EXD3: variants seen among roughly 807,000 people sequenced by gnomAD.
EXD3 encodes exonuclease 3'-5' domain containing 3, also known as exonuclease mut-7 homolog.
A neutral mutation model predicts 98.0 loss-of-function variants in EXD3; 92 were observed. The ratio of observed to expected loss-of-function variants is 0.94; its 90% confidence interval spans 0.79 to 1.12. The LOEUF is 1.12. Among genes scored for constraint, EXD3 ranks in the 50% most tolerant of loss-of-function variants. EXD3 has a pLI of 0.00. For synonymous variants in EXD3, 569 were observed against 526.0 expected (o/e 1.08, Z -1.12); for missense variants, 1,222 against 1,191.6 (o/e 1.03, Z -0.38).
chr9:137,319,040 G>A (rs558675063), intron 19 of EXD3, among the ~76,000 whole-genome samples: 8 of 152,360 alleles, frequency 5.3e-5, no homozygotes, highest in East Asian at 3.9e-4. Context: ...AAGTCAGCCC[G>A]GCGGCAGGCG....
At chr9:137,422,512 C>T (rs375160512) in intron 1 of EXD3, among the ~76,000 whole-genome samples, 2 of 152,262 alleles carry the variant, frequency 1.3e-5, no homozygotes, top group South Asian at 2.1e-4. Context: ...ACCTGCTCTC[C>T]GATGGGCTCT....
intron 10 of EXD3, chr9:137,353,899 G>A (rs920256477): frequency 8.4e-5 from 84 of 995,876 alleles, no homozygotes; most frequent in Admixed American, 2.4e-4. Flanking sequence ...CCACGTGGAC[G>A]ACAATACGTG....
At chr9:137,321,459 G>A (rs1832027605) in intron 19 of EXD3, among the ~76,000 whole-genome samples, 1 of 152,214 alleles carries the variant, frequency 6.6e-6, no homozygotes, top group Non-Finnish European at 1.5e-5. Flanking sequence ...GAGGCAGGAA[G>A]ATCACCTGAG....
At chr9:137,327,804 T>C (rs141576006) in intron 17 of EXD3, among the ~76,000 whole-genome samples, 1 of 16,236 alleles carries the variant, frequency 6.2e-5, no homozygotes, top group African/African-American at 1.4e-4. Context: ...ACCCACATGA[T>C]GAGTAAAAAC....
At position 137,323,762 on chromosome 9, in the gene EXD3, A is replaced by C. The variant is rs1366672847; in HGVS notation, c.2147T>G (p.Val716Gly). ...QAKAVLKHFNVRVTHADIFSR... is the reference protein window; with the variant it reads ...QAKAVLKHFNGRVTHADIFSR... ...GAAGATGTCTGCGTGGGTGACACGC[A>C]CGTTGAAATGCTTGAGCACAGCCTT... Residue 716 changes from valine to glycine, a missense_variant, in exon 19 of 22, where the codon GTG (valine) becomes GGG (glycine). Physicochemically the swap from Val to Gly is moderately radical, Grantham distance 109. Coordinates refer to ENST00000340951, the MANE Select transcript of EXD3 (RefSeq NM_017820.5). The C allele has an allele frequency of 3.1e-6, 5 of 1,612,328 alleles. No individual in the cohort carries two copies. Among genetic ancestry groups the C allele is most frequent in the Admixed American group, 1.7e-5 (1 of 60,008 alleles).
Position 137,316,543 on chromosome 9 carries a change from C to A in EXD3, c.2185-6843G>T, listed in dbSNP as rs946313968. On this transcript the variant is annotated intron_variant, in intron 19 of 21. Coordinates refer to ENST00000340951, the MANE Select transcript of EXD3 (RefSeq NM_017820.5). Reference sequence around the variant, plus strand: ...CGCCCCAAGCGGCCCTGGGCCGACCCTCGCAGCTCCCAGTGCCCGGGAGGC... The same window carrying A: ...CGCCCCAAGCGGCCCTGGGCCGACCATCGCAGCTCCCAGTGCCCGGGAGGC... 5.3e-5 allele frequency among the ~76,000 whole-genome samples: 8 copies of A among 152,340 alleles called. No homozygotes were observed. The Middle Eastern group carries it at 0.01, about 194-fold the overall frequency.
At position 137,307,124 on chromosome 9, in the gene EXD3, A is replaced by G. The variant is rs1564456436; in HGVS notation, c.2457T>C (p.Gly819=). The G allele has an allele frequency of 6.2e-7, 1 of 1,602,018 alleles. No individual in the cohort carries two copies. The highest frequency in any genetic ancestry group is 8.5e-7 in the Non-Finnish European group (1 of 1,175,304). ...ACCGCAGCCCAGGTGTCCTCAGCAC[A>G]CCCACCGGGACCCCTGCCAGCTGCA... ...TRLQLAGVPV[G]VLRTPGLRCF... Residue 819 remains glycine (G), a synonymous_variant, in exon 22 of 22, where the codon GGT becomes GGC. Coordinates refer to ENST00000340951, the MANE Select transcript of EXD3 (RefSeq NM_017820.5).
At chr9:137,353,530 C>T (rs988385924) in intron 10 of EXD3, 23 of 986,076 alleles carry the variant, frequency 2.3e-5, no homozygotes, top group Non-Finnish European at 2.8e-5. Flanking sequence ...GAGGGGTGCC[C>T]TCTGGGTGGC....
At chr9:137,307,696 T>C (rs775238571) in intron 20 of EXD3, 50 bp from the exon 21 acceptor site, 124 of 1,598,822 alleles carry the variant, frequency 7.8e-5, no homozygotes, top group Non-Finnish European at 8.9e-5. Context: ...GGGATGGGGC[T>C]TGGCAGCCAG....
intron 3 of EXD3, among the ~76,000 whole-genome samples, chr9:137,382,151 G>GGGAGGAGGTGGGAGCATGC (rs1266600430): frequency 5.6e-5 from 4 of 70,942 alleles, no homozygotes; most frequent in South Asian, 3.9e-4. Flanking sequence ...TGAGGGCGCG[G>GGGAGGAGGTGGGAGCATGC]GGAGGAGGTG....
intron 17 of EXD3, chr9:137,343,480 A>T (rs1485934390): frequency 7.0e-6 from 1 of 143,674 alleles, no homozygotes; most frequent in Non-Finnish European, 1.5e-5. Flanking sequence ...AATACTTGTT[A>T]TGTCAGAATC....
At chr9:137,389,546 C>T (rs781503169) in intron 2 of EXD3, among the ~76,000 whole-genome samples, 9 of 152,272 alleles carry the variant, frequency 5.9e-5, no homozygotes, top group Non-Finnish European at 1.2e-4. Context: ...CTGTGGACCC[C>T]ACAAGGAGGC....
intron 17 of EXD3, among the ~76,000 whole-genome samples, chr9:137,339,279 T>C (rs1833529508): frequency 6.6e-6 from 1 of 151,910 alleles, no homozygotes; most frequent in African/African-American, 2.4e-5. Flanking sequence ...GAGGGAAAAC[T>C]TCCCAATGTA....
rs1411644220 is a variant in EXD3, at chr9:137,352,699, C to T, written c.958G>A (p.Ala320Thr). 7 of 1,563,740 alleles carry T rather than the reference C, an allele frequency of 4.5e-6. No individual in the cohort carries two copies. The highest frequency in any genetic ancestry group is 4.3e-6 in the Non-Finnish European group (5 of 1,155,528). Residue 320 changes from alanine to threonine, a missense_variant, in exon 11 of 22, where the codon GCC (alanine) becomes ACC (threonine). Physicochemically the swap from Ala to Thr is moderately conservative, Grantham distance 58. Coordinates refer to ENST00000340951, the MANE Select transcript of EXD3 (RefSeq NM_017820.5). ...HSDPVTAAQCAMELLLPEERL... is the reference protein window; with the variant it reads ...HSDPVTAAQCTMELLLPEERL... ...TCCTCGGGCAGCAAGAGTTCCATGG[C>T]ACACTGGGCGGCCGTGACTGGGTCA...
In EXD3 at chr9:137,326,167, C is replaced by G. The variant is rs533560753; in HGVS notation, c.1999-2024G>C. On this transcript the variant is annotated intron_variant, in intron 17 of 21. Transcript: ENST00000340951. The stretch of plus-strand genomic sequence containing the variant: ...GGCCAGGATTTCTTCGATATGACAC[C>G]GCAGCAAAGGCAGCAAAAGAAACAC... Among the ~76,000 whole-genome samples the G allele has an allele frequency of 6.6e-5, 10 of 152,042 alleles. No individual in the cohort carries two copies. In the East Asian group the frequency reaches 1.9e-3, roughly 29 times the overall value.
intron 17 of EXD3, among the ~76,000 whole-genome samples, chr9:137,338,419 C>T (rs28767597): frequency 0.025 from 3,754 of 152,058 alleles, 137 homozygotes; most frequent in African/African-American, 0.084. Context: ...GCCTTAAACA[C>T]TTATATCATA....
chr9:137,402,482 C>T (rs536511017), intron 1 of EXD3, among the ~76,000 whole-genome samples: 1 of 152,312 alleles, frequency 6.6e-6, no homozygotes, highest in African/African-American at 2.4e-5. Flanking sequence ...ACAAGAGTCA[C>T]CTTTGCTTCA....
Position 137,400,684 on chromosome 9 carries a change from G to A in EXD3, c.-47-5280C>T, listed in dbSNP as rs140545135. 4.3e-3 allele frequency among the ~76,000 whole-genome samples: 651 copies of A among 151,772 alleles called. 15 individuals carry two copies. The highest frequency in any genetic ancestry group is 0.011 in the East Asian group (59 of 5,148). ...GGAGGCTGAGGCAGGAGAATCACTC[G>A]AACCTGGGAGGTGGAGGTTGCAATG... is the stretch of plus-strand genomic sequence containing the variant. On this transcript the variant is annotated intron_variant, in intron 1 of 21. Transcript: ENST00000340951.
At chr9:137,391,085 C>T (rs1836880580) in intron 2 of EXD3, among the ~76,000 whole-genome samples, 1 of 151,978 alleles carries the variant, frequency 6.6e-6, no homozygotes. Flanking sequence ...GCCTCGGCAG[C>T]TTCTCCTTAC....
Sources: allele counts gnomAD v4.1 joint callset (sites outside exome capture counted in the v4.1 genomes callset), GRCh38; gene constraint gnomAD v4.1.1; transcripts MANE v1.5; gene names NCBI Gene and HGNC (gene_info 2026-07-23, HGNC 2026-07-21).